Variants in PRKX observed in about 807,000 individuals in gnomAD.
PRKX encodes cAMP-dependent protein kinase catalytic subunit PRKX.
A neutral mutation model predicts 22.0 loss-of-function variants in PRKX; 12 were observed. The ratio of observed to expected loss-of-function variants is 0.54; its 90% CI spans 0.35 to 0.88. PRKX has a LOEUF of 0.88. PRKX is among the 40% of genes least tolerant of loss of function. The pLI, the probability that PRKX is intolerant of heterozygous loss-of-function variation, is 0.01. For synonymous variants in PRKX, 134 were observed against 137.7 expected (o/e 0.97, Z 0.19); for missense variants, 217 against 308.0 (o/e 0.70, Z 2.21).
intron 1 of PRKX, among the ~76,000 whole-genome samples, chrX:3,694,052 G>A (rs1050439583): frequency 6.8e-4 from 74 of 109,224 alleles, no homozygotes; most frequent in African/African-American, 2.3e-3. Flanking sequence ...ATCCAACAAC[G>A]GGTGTCCTTC....
Position 3,608,220 on chromosome X carries a change from A to C in PRKX, c.*749T>G, listed in dbSNP as rs1056370. On this transcript the variant is annotated 3_prime_UTR_variant, in exon 9 of 9. Transcript: ENST00000262848. ...TGAATGTGTCACAGAAGGTTTTTTT[A>C]AATACAGTACATTCCTCCAACAACT... The C allele has an allele frequency of 9.1e-6, 1 of 109,980 alleles. No individual in the cohort carries two copies. The highest frequency in any genetic ancestry group is 3.3e-5 in the African/African-American group (1 of 30,303). The allele number at this position is 109,980 out of a possible 1,213,427, so 9.1% of individuals were successfully genotyped here. A position where few individuals can be genotyped will look rare whatever the true frequency, so the allele number is the denominator to read the frequency against.
intron 4 of PRKX, among the ~76,000 whole-genome samples, chrX:3,630,759 G>C (rs1193329363): frequency 9.0e-6 from 1 of 111,042 alleles, no homozygotes; most frequent in African/African-American, 3.3e-5. Flanking sequence ...TCTATCATGA[G>C]ACTGTACTAG....
intron 1 of PRKX, among the ~76,000 whole-genome samples, chrX:3,705,958 C>G (rs1320247970): frequency 9.6e-6 from 1 of 104,622 alleles, no homozygotes; most frequent in East Asian, 3.1e-4. Flanking sequence ...TCCCAAAGTG[C>G]TGGGATTACA....
Position 3,655,146 on chromosome X carries a change from T to C in PRKX, c.599+3A>G, listed in dbSNP as rs766794761. On this transcript the variant is annotated splice_donor_region_variant and intron_variant, in intron 3 of 8. Coordinates refer to ENST00000262848, the MANE Select transcript of PRKX (RefSeq NM_005044.5). ...ATTCCATCGGAGTTCACGTTCCTCT[T>C]ACCTGTCTACCAGCTTCTTGGCGAA... 9.9e-6 allele frequency: 12 copies of C among 1,210,417 alleles called. No homozygotes were observed. In the East Asian group the frequency reaches 3.3e-4, roughly 33 times the overall value.
At chrX:3,658,337 GC>G (rs917495600) in intron 2 of PRKX, among the ~76,000 whole-genome samples, 6 of 111,314 alleles carry the variant, frequency 5.4e-5, no homozygotes, top group African/African-American at 2.0e-4. Flanking sequence ...AGGCTGGAGT[GC>G]AGTGGTGCAG....
chrX:3,642,746 C>T lies in PRKX; in HGVS notation c.600-775G>A, dbSNP rs189648009. On this transcript the variant is annotated intron_variant, in intron 3 of 8. Coordinates refer to ENST00000262848, the MANE Select transcript of PRKX (RefSeq NM_005044.5). ...GGGCATGGTGGCTCACACCTATAAT[C>T]CCAGCACTTTGAGAAGCCAAGGTGG... 7.7e-3 allele frequency among the ~76,000 whole-genome samples: 849 copies of T among 109,822 alleles called. 12 individuals are homozygous for T. Among genetic ancestry groups the T allele is most frequent in the African/African-American group, 0.027 (805 of 30,243 alleles).
At chrX:3,681,259 C>G (rs1928066250) in intron 1 of PRKX, among the ~76,000 whole-genome samples, 1 of 109,851 alleles carries the variant, frequency 9.1e-6, no homozygotes, top group Non-Finnish European at 1.9e-5. Flanking sequence ...TTGTGTGCAC[C>G]TGGAGTCCCA....
chrX:3,689,792 A>G (rs1207322179), intron 1 of PRKX, among the ~76,000 whole-genome samples: 2 of 111,659 alleles, frequency 1.8e-5, no homozygotes, highest in South Asian at 3.7e-4. Flanking sequence ...CCTGGCTAAC[A>G]CGGTGAAACC....
chrX:3,642,307 A>T (rs1480565529), intron 3 of PRKX, among the ~76,000 whole-genome samples: 2 of 110,786 alleles, frequency 1.8e-5, no homozygotes, highest in East Asian at 5.6e-4. Flanking sequence ...AATAAAATTA[A>T]TTAATTAAAG....
At position 3,613,150 on chromosome X, in the gene PRKX, C is replaced by CAAAAAAAAAAAA. The variant is rs528688936; in HGVS notation, c.952-837_952-826dup. Among the ~76,000 whole-genome samples the CAAAAAAAAAAAA allele has an allele frequency of 1.6e-3, 86 of 54,310 alleles. 11 individuals are homozygous for CAAAAAAAAAAAA. The highest frequency in any genetic ancestry group is 3.8e-3 in the South Asian group (3 of 787). 47.2% of individuals were successfully genotyped at this position (54,310 alleles called of 115,157 possible). A position where few individuals can be genotyped will look rare whatever the true frequency, so the allele number is the denominator to read the frequency against. On this transcript the variant is annotated intron_variant, in intron 7 of 8. Transcript: ENST00000262848. The stretch of plus-strand genomic sequence containing the variant: ...TGGGCAACGGAGCAAGACTTCGTCT[C>CAAAAAAAAAAAA]AAAAAAAAAAAAAAAAAAAAAAAAA...
chrX:3,609,566 C>T (rs953684810), intron 8 of PRKX, among the ~76,000 whole-genome samples: 8 of 111,371 alleles, frequency 7.2e-5, no homozygotes, highest in African/African-American at 2.3e-4. Context: ...GCGAGCCTCT[C>T]ACCTCAGCCT....
At chrX:3,610,062 A>T (rs1462141451) in intron 8 of PRKX, among the ~76,000 whole-genome samples, 1 of 112,240 alleles carries the variant, frequency 8.9e-6, no homozygotes, top group East Asian at 2.8e-4. Flanking sequence ...TTACAGGAGA[A>T]GATTTGGCTT....
chrX:3,616,985 T>C (rs1274773035), intron 6 of PRKX, among the ~76,000 whole-genome samples: 2 of 111,043 alleles, frequency 1.8e-5, no homozygotes. Context: ...TAGTAATATA[T>C]ACACACACAC....
chrX:3,623,248 G>A (rs1926595820), intron 5 of PRKX, among the ~76,000 whole-genome samples: 1 of 109,067 alleles, frequency 9.2e-6, no homozygotes, highest in African/African-American at 3.4e-5. Context: ...TTTGGTGTTT[G>A]GCATGTAAGA....
rs55726241 is a variant in PRKX, at chrX:3,662,694, C to CAAA, written c.336-7285_336-7283dup. ...TGGGGGACAGAGTGAGACTCCATCTCAAAAAAAAAAAAAAAAAAAAATTAA... is the reference window on the plus strand; with the variant it reads ...TGGGGGACAGAGTGAGACTCCATCTCAAAAAAAAAAAAAAAAAAAAAAAATTAA... On this transcript the variant is annotated intron_variant, in intron 2 of 8. Coordinates refer to ENST00000262848, the MANE Select transcript of PRKX (RefSeq NM_005044.5). Among the ~76,000 whole-genome samples, 33 of 44,086 alleles carry CAAA rather than the reference C, an allele frequency of 7.5e-4. 1 individual carries two copies. Among genetic ancestry groups the CAAA allele is most frequent in the Non-Finnish European group, 8.4e-4 (22 of 26,076 alleles). 38.3% of individuals were successfully genotyped at this position (44,086 alleles called of 115,157 possible).
At chrX:3,639,886 C>A (rs192377068) in intron 4 of PRKX, among the ~76,000 whole-genome samples, 1 of 111,039 alleles carries the variant, frequency 9.0e-6, no homozygotes, top group Non-Finnish European at 1.9e-5. Context: ...CAGCGACTGC[C>A]TGGATTTCCT....
At chrX:3,706,657 C>T (rs1185072779) in intron 1 of PRKX, among the ~76,000 whole-genome samples, 1 of 112,022 alleles carries the variant, frequency 8.9e-6, no homozygotes, top group Non-Finnish European at 1.9e-5. Context: ...GTGTCTGCTG[C>T]TTTCGAGAGT....
intron 1 of PRKX, among the ~76,000 whole-genome samples, chrX:3,705,380 G>A (rs775922088): frequency 1.8e-5 from 2 of 111,298 alleles, no homozygotes; most frequent in Non-Finnish European, 1.9e-5. Context: ...ATTACCTTGG[G>A]GATTAGGGTT....
chrX:3,684,421 A>G (rs1928135320), intron 1 of PRKX, among the ~76,000 whole-genome samples: 1 of 111,342 alleles, frequency 9.0e-6, no homozygotes. Context: ...ATCTGACTTA[A>G]GCTTCATCTC....
Sources: allele counts gnomAD v4.1 joint callset (sites outside exome capture counted in the v4.1 genomes callset), GRCh38; gene constraint gnomAD v4.1.1; transcripts MANE v1.5; gene names NCBI Gene and HGNC (gene_info 2026-07-23, HGNC 2026-07-21).